Variants in GRID2 observed in about 807,000 individuals in gnomAD.
GRID2 encodes the protein glutamate ionotropic receptor delta type subunit 2.
In GRID2, 33 loss-of-function variants were observed where a neutral mutation model predicts 114.8. The ratio of observed to expected loss-of-function variants is 0.29; its 90% CI spans 0.22 to 0.38. GRID2 has a LOEUF of 0.38. Among genes scored for constraint, GRID2 ranks in the 10% least tolerant of loss-of-function variants. The pLI is 1.00. For synonymous variants in GRID2, 505 were observed against 449.9 expected (o/e 1.12, Z -1.55); for missense variants, 1,184 against 1,257.7 (o/e 0.94, Z 0.89).
intron 9 of GRID2, among the ~76,000 whole-genome samples, chr4:93,404,212 AT>A (rs554698147): frequency 2.7e-4 from 41 of 152,210 alleles, no homozygotes; most frequent in African/African-American, 9.6e-4. Context: ...GTAATTCGTG[AT>A]TGCCTAGGTC....
At chr4:92,965,466 A>C (rs1361562456) in intron 2 of GRID2, among the ~76,000 whole-genome samples, 1 of 39,788 alleles carries the variant, frequency 2.5e-5, no homozygotes. Flanking sequence ...AAAAAAAAAA[A>C]AAAAAAAAAA....
intron 7 of GRID2, among the ~76,000 whole-genome samples, chr4:93,234,768 G>A (rs906833925): frequency 3.1e-4 from 47 of 151,438 alleles, no homozygotes; most frequent in African/African-American, 1.1e-3. Flanking sequence ...TGATGCTGAT[G>A]AAACATGAAG....
intron 8 of GRID2, among the ~76,000 whole-genome samples, chr4:93,359,512 G>A (rs1411956612): frequency 5.3e-5 from 8 of 151,384 alleles, no homozygotes; most frequent in Admixed American, 2.6e-4. Context: ...TTATCAAATA[G>A]TAGGTCTTAT....
At chr4:93,798,322 A>G (rs908627291) in intron 1 of GRID2, among the ~76,000 whole-genome samples, 2 of 152,130 alleles carry the variant, frequency 1.3e-5, no homozygotes, top group Admixed American at 1.3e-4. Flanking sequence ...CCAAAACATG[A>G]TCAGAAATAG....
intron 14 of GRID2, among the ~76,000 whole-genome samples, chr4:93,671,966 C>T (rs1167545731): frequency 6.6e-6 from 1 of 151,990 alleles, no homozygotes; most frequent in Non-Finnish European, 1.5e-5. Flanking sequence ...CAGAGCAAGA[C>T]TCTGTCTCAA....
intron 1 of GRID2, among the ~76,000 whole-genome samples, chr4:92,482,018 A>C (rs1229167587): frequency 1.5e-5 from 1 of 68,890 alleles, no homozygotes; most frequent in African/African-American, 4.7e-5. Flanking sequence ...ATATATATAT[A>C]TATATATATA....
At chr4:92,927,843 G>C (rs1007104807) in intron 2 of GRID2, among the ~76,000 whole-genome samples, 1 of 151,588 alleles carries the variant, frequency 6.6e-6, no homozygotes, top group Non-Finnish European at 1.5e-5. Flanking sequence ...AAATCTGAAC[G>C]ATTTCAGATT....
intron 2 of GRID2, among the ~76,000 whole-genome samples, chr4:92,711,433 A>T (rs969367813): frequency 6.6e-6 from 1 of 152,186 alleles, no homozygotes; most frequent in African/African-American, 2.4e-5. Context: ...GTAGAACTGA[A>T]GTCCCCAGTT....
At chr4:92,815,125 C>G (rs903708589) in intron 2 of GRID2, among the ~76,000 whole-genome samples, 2 of 152,076 alleles carry the variant, frequency 1.3e-5, no homozygotes, top group African/African-American at 4.8e-5. Flanking sequence ...TCTTAACTTT[C>G]CTTTTGTGCC....
intron 1 of GRID2, among the ~76,000 whole-genome samples, chr4:92,375,740 A>G (rs1415698880): frequency 2.0e-5 from 3 of 152,170 alleles, no homozygotes; most frequent in African/African-American, 7.2e-5. Context: ...CACACACTGC[A>G]TCAACTGTGA....
chr4:93,506,522 A>G (rs1461848586), intron 12 of GRID2, among the ~76,000 whole-genome samples: 1 of 152,192 alleles, frequency 6.6e-6, no homozygotes, highest in African/African-American at 2.4e-5. Flanking sequence ...GCTGTCTTTT[A>G]TCTAATGTAT....
intron 1 of GRID2, among the ~76,000 whole-genome samples, chr4:92,345,886 T>C (rs954127769): frequency 2.0e-5 from 3 of 152,196 alleles, no homozygotes; most frequent in African/African-American, 7.2e-5. Context: ...AATCAGCATA[T>C]TCAATCATCA....
rs571907329 is a variant in GRID2 at position 93,164,823 on chromosome 4, G to T, written c.736-42581G>T. ...CACAGACACTTACGTGACAATTGGA[G>T]TAAATAAAGTAAGCTTTGACTACTG... On this transcript the variant is annotated intron_variant, in intron 4 of 15. Transcript: ENST00000282020. The T allele has an allele frequency of 9.3e-5, 33 of 353,420 alleles. 1 individual carries two copies. The highest frequency in any genetic ancestry group is 5.8e-4 in the South Asian group (29 of 49,636). 21.9% of individuals were successfully genotyped at this position (353,420 alleles called of 1,614,324 possible).
At chr4:93,294,779 C>T (rs1387400118) in intron 8 of GRID2, among the ~76,000 whole-genome samples, 3 of 152,038 alleles carry the variant, frequency 2.0e-5, no homozygotes, top group African/African-American at 7.2e-5. Flanking sequence ...AGGCTGGTCT[C>T]GAACTCCTGA....
chr4:93,190,099 T>C (rs1476561626), intron 4 of GRID2, among the ~76,000 whole-genome samples: 1 of 152,192 alleles, frequency 6.6e-6, no homozygotes, highest in African/African-American at 2.4e-5. Flanking sequence ...GAATGCCTAA[T>C]GGTTTCATTC....
At chr4:93,202,948 A>G (rs1341373692) in intron 4 of GRID2, among the ~76,000 whole-genome samples, 3 of 152,062 alleles carry the variant, frequency 2.0e-5, no homozygotes, top group African/African-American at 7.2e-5. Context: ...ATATATATAT[A>G]TCATACTACT....
chr4:93,589,824 T>A (rs1181228125), intron 13 of GRID2, among the ~76,000 whole-genome samples: 1 of 152,110 alleles, frequency 6.6e-6, no homozygotes. Context: ...CATTTTTTCA[T>A]GTGTTTTTTG....
At chr4:93,646,505 C>T (rs888926059) in intron 14 of GRID2, among the ~76,000 whole-genome samples, 1 of 152,052 alleles carries the variant, frequency 6.6e-6, no homozygotes, top group Non-Finnish European at 1.5e-5. Context: ...ACAATAGAAC[C>T]TTGAAAAACA....
chr4:93,146,256 G>A (rs1385214253), intron 4 of GRID2, among the ~76,000 whole-genome samples: 5 of 152,204 alleles, frequency 3.3e-5, no homozygotes, highest in African/African-American at 1.2e-4. Flanking sequence ...TGAACTAATA[G>A]TGACATCGAG....
Sources: allele counts gnomAD v4.1 joint callset (sites outside exome capture counted in the v4.1 genomes callset), GRCh38; gene constraint gnomAD v4.1.1; transcripts MANE v1.5; gene names NCBI Gene and HGNC (gene_info 2026-07-23, HGNC 2026-07-21).